FSTL5: variants seen among roughly 807,000 people sequenced by gnomAD.
FSTL5 encodes the protein follistatin like 5.
A neutral mutation model predicts 89.1 loss-of-function variants in FSTL5; 62 were observed. The ratio of observed to expected loss-of-function variants is 0.70; its 90% CI spans 0.57 to 0.86. The LOEUF is 0.86. Among genes scored for constraint, FSTL5 ranks in the 40% least tolerant of loss-of-function variants. The pLI is 0.00. For missense variants in FSTL5, 1,057 were observed against 1,001.6 expected (o/e 1.06, Z -0.75); for synonymous variants, 383 against 346.2 (o/e 1.11, Z -1.18).
At chr4:162,039,696 G>T (rs117935214) in intron 2 of FSTL5, among the ~76,000 whole-genome samples, 29 of 151,896 alleles carry the variant, frequency 1.9e-4, no homozygotes, top group Non-Finnish European at 1.5e-4. Context: ...TCTCTCATGG[G>T]ATTTGAGAAA....
intron 15 of FSTL5, among the ~76,000 whole-genome samples, chr4:161,451,892 G>C (rs1365336675): frequency 2.0e-5 from 3 of 152,056 alleles, no homozygotes; most frequent in East Asian, 3.9e-4. Context: ...GTGGTTTTTA[G>C]GCACTAAGAA....
intron 2 of FSTL5, among the ~76,000 whole-genome samples, chr4:162,075,041 A>C (rs1729780743): frequency 6.6e-6 from 1 of 151,720 alleles, no homozygotes; most frequent in East Asian, 1.9e-4. Context: ...CAAGCCCACA[A>C]GGGTAGTTTT....
intron 15 of FSTL5, among the ~76,000 whole-genome samples, chr4:161,392,400 A>AT (rs1553981412): frequency 6.6e-6 from 1 of 151,792 alleles, no homozygotes; most frequent in Non-Finnish European, 1.5e-5. Flanking sequence ...TAATTTTCGT[A>AT]TTTTTTGTAG....
Position 161,410,957 on chromosome 4 carries a change from A to G in FSTL5, c.1842-24508T>C, listed in dbSNP as rs867609743. On this transcript the variant is annotated intron_variant, in intron 15 of 15. Coordinates refer to ENST00000306100, the MANE Select transcript of FSTL5 (RefSeq NM_020116.5). ...AAACCAAGGGTTGGTTGTTCAAAAA[A>G]AAAAAAATAAGATTGATAGACCTTT... Among the ~76,000 whole-genome samples the G allele has an allele frequency of 2.0e-5, 3 of 152,104 alleles. No individual in the cohort carries two copies. The Middle Eastern group carries it at 0.01, about 517-fold the overall frequency.
At chr4:162,152,883 G>T (rs565445545) in intron 1 of FSTL5, among the ~76,000 whole-genome samples, 1 of 149,120 alleles carries the variant, frequency 6.7e-6, no homozygotes, top group East Asian at 1.9e-4. Context: ...AAAAAAAACC[G>T]ACAACATATT....
intron 4 of FSTL5, among the ~76,000 whole-genome samples, chr4:161,863,342 T>G (rs1042572613): frequency 6.6e-6 from 1 of 152,162 alleles, no homozygotes; most frequent in Admixed American, 6.5e-5. Flanking sequence ...TTCATTTTGT[T>G]TAGTTTCAGG....
intron 3 of FSTL5, among the ~76,000 whole-genome samples, chr4:162,030,254 G>T (rs908808223): frequency 6.6e-6 from 1 of 151,914 alleles, no homozygotes; most frequent in Admixed American, 6.6e-5. Context: ...TTCTCAAAAT[G>T]CTGGCATGTA....
At chr4:161,988,834 G>T (rs1736034198) in intron 3 of FSTL5, among the ~76,000 whole-genome samples, 1 of 152,092 alleles carries the variant, frequency 6.6e-6, no homozygotes, top group Admixed American at 6.6e-5. Context: ...ATCATTAGAG[G>T]ATTTTCAGAT....
At chr4:161,497,402 T>A (rs1730121797) in intron 12 of FSTL5, among the ~76,000 whole-genome samples, 1 of 152,068 alleles carries the variant, frequency 6.6e-6, no homozygotes, top group Non-Finnish European at 1.5e-5. Context: ...CAATTCCCTT[T>A]TTAAATATTA....
At chr4:162,047,822 T>C (rs1738244159) in intron 2 of FSTL5, among the ~76,000 whole-genome samples, 1 of 151,668 alleles carries the variant, frequency 6.6e-6, no homozygotes, top group South Asian at 2.1e-4. Flanking sequence ...AGAAACTCCA[T>C]CTCAAAAACA....
At chr4:161,958,762 T>C (rs993463870) in intron 3 of FSTL5, among the ~76,000 whole-genome samples, 2 of 152,098 alleles carry the variant, frequency 1.3e-5, no homozygotes, top group African/African-American at 2.4e-5. Context: ...AATGGAGGGG[T>C]TGACAGTAGA....
intron 3 of FSTL5, among the ~76,000 whole-genome samples, chr4:161,925,421 T>C (rs966881546): frequency 4.6e-5 from 7 of 152,002 alleles, no homozygotes; most frequent in African/African-American, 1.7e-4. Flanking sequence ...CAATAGGTTT[T>C]TACAATTTGG....
chr4:161,812,052 C>G (rs1344388339), intron 4 of FSTL5, among the ~76,000 whole-genome samples: 1 of 152,050 alleles, frequency 6.6e-6, no homozygotes, highest in Non-Finnish European at 1.5e-5. Context: ...AGATATTTTT[C>G]TCCCAGAATC....
intron 6 of FSTL5, among the ~76,000 whole-genome samples, chr4:161,686,226 T>C (rs1737709411): frequency 6.8e-6 from 1 of 147,868 alleles, no homozygotes; most frequent in African/African-American, 2.5e-5. Flanking sequence ...TTTTTGGTTA[T>C]GTCTTCTCCT....
chr4:161,872,136 TTTTGG>T (rs1732285666), intron 4 of FSTL5, among the ~76,000 whole-genome samples: 3 of 40,664 alleles, frequency 7.4e-5, no homozygotes, highest in African/African-American at 1.2e-4. Context: ...TTGTTTTTTT[TTTTGG>T]TTTTTTTTTT....
chr4:161,605,906 G>A (rs1560975667), intron 7 of FSTL5, among the ~76,000 whole-genome samples: 1 of 149,620 alleles, frequency 6.7e-6, no homozygotes, highest in Non-Finnish European at 1.5e-5. Context: ...TGGCTAAAGT[G>A]GTATTAGCAA....
At chr4:161,512,651 C>G (rs555222576) in intron 10 of FSTL5, among the ~76,000 whole-genome samples, 1 of 152,102 alleles carries the variant, frequency 6.6e-6, no homozygotes, top group African/African-American at 2.4e-5. Flanking sequence ...AGGACAGAGA[C>G]ATTTTTAAGA....
At chr4:161,436,414 T>C (rs1370249411) in intron 15 of FSTL5, among the ~76,000 whole-genome samples, 1 of 152,194 alleles carries the variant, frequency 6.6e-6, no homozygotes, top group African/African-American at 2.4e-5. Context: ...TATTGGTGAA[T>C]TAATGTTCAA....
Position 161,920,788 on chromosome 4 carries a change from T to C in FSTL5, c.161-136A>G. 4 of 744,328 alleles carry C rather than the reference T, an allele frequency of 5.4e-6. No homozygotes were observed. The South Asian group carries it at 5.9e-5, about 11-fold the overall frequency. The allele number at this position is 744,328 out of a possible 1,614,324, so 46.1% of individuals were successfully genotyped here. A position where few individuals can be genotyped will look rare whatever the true frequency, so the allele number is the denominator to read the frequency against. ...GTATTCAGGGCTCAATTTTCAGTGGTGGACATGCTTATATAAATAACTGCA... is the reference window on the plus strand; with the variant it reads ...GTATTCAGGGCTCAATTTTCAGTGGCGGACATGCTTATATAAATAACTGCA... On this transcript the variant is annotated intron_variant, in intron 3 of 15. Transcript: ENST00000306100.
Sources: allele counts gnomAD v4.1 joint callset (sites outside exome capture counted in the v4.1 genomes callset), GRCh38; gene constraint gnomAD v4.1.1; transcripts MANE v1.5; gene names NCBI Gene and HGNC (gene_info 2026-07-23, HGNC 2026-07-21).